Variants in MADD observed in about 807,000 individuals in gnomAD.
MADD encodes MAP kinase-activating death domain protein.
Under a neutral mutation model 176.7 loss-of-function variants are expected in MADD, and 109 were observed. The ratio of observed to expected loss-of-function variants is 0.62; its 90% CI spans 0.53 to 0.72. The LOEUF is 0.72. MADD is among the 30% of genes least tolerant of loss of function. The probability of loss-of-function intolerance (pLI) is 0.00; values close to 1 mark genes in which losing one functional copy is unlikely to be tolerated. For synonymous variants in MADD, 771 were observed against 771.3 expected (o/e 1.00, Z 0.01); for missense variants, 1,914 against 2,045.5 (o/e 0.94, Z 1.24).
At chr11:47,279,044 C>T (rs745473226) in exon 7 of MADD, 5 of 1,613,992 alleles carry the variant, frequency 3.1e-6, no homozygotes, top group Non-Finnish European at 4.2e-6. Context: ...CCTGCCAGAA[C>T]CAGAATCACT....
intron 3 of MADD, 36 bp downstream of exon 3, chr11:47,275,195 T>C: frequency 6.4e-7 from 1 of 1,553,284 alleles, no homozygotes; most frequent in East Asian, 2.2e-5. Context: ...GGGGGAAGCA[T>C]TTAGAGATTC....
chr11:47,290,911 C>T (rs1473456860), intron 19 of MADD, 95 bp downstream of exon 20: 1 of 1,029,174 alleles, frequency 9.7e-7, no homozygotes, highest in Admixed American at 2.4e-5. Flanking sequence ...TTCTCTGCCC[C>T]ATGCTTTGCT....
chr11:47,293,957 G>C lies in MADD; in HGVS notation c.3376G>C (p.Gly1126Arg), dbSNP rs997138490. The change falls in exon 20 of 33, where the codon GGT becomes CGT. Residue 1126 changes from glycine to arginine, a missense_variant. This residue lies in a region of MADD where 1,767 missense variants were observed against 1,836.0 expected (regional missense o/e 0.96). Coordinates refer to ENST00000402192, the Ensembl canonical transcript of MADD. ...AAAGTCCCAGATCAGCGCAGACAGT[G>C]GTGTGAGCCTGACGTCTAGTTCCCA... 3 of 1,614,050 alleles carry C rather than the reference G, an allele frequency of 1.9e-6. No homozygotes were observed. In the African/African-American group the frequency reaches 4.0e-5, roughly 22 times the overall value.
intron 20 of MADD, 48 bp downstream of exon 22, chr11:47,294,031 C>T: frequency 7.2e-7 from 1 of 1,384,588 alleles, no homozygotes; most frequent in Non-Finnish European, 1.0e-6. Context: ...TATGCTGTCT[C>T]AGAATACTTC....
In MADD at chr11:47,274,949, C is replaced by T. The variant is rs757187543; in HGVS notation, c.449C>T (p.Thr150Ile). Residue 150 changes from threonine (T) to isoleucine (I), a missense_variant, in exon 3 of 33, where the codon ACC becomes ATC. Thr to Ile is a moderately conservative substitution (Grantham distance 89, BLOSUM62 -1). Around this residue, in one of 2 missense-constraint regions of MADD, gnomAD observed 1,767 missense variants for 1,836.0 expected, o/e 0.96. Transcript: ENST00000402192. ...CTGCAGCCTCTCAGTGCTGACTCTA[C>T]CCCTGATGTGAACCAGTCTCCTCGG... The T allele has an allele frequency of 2.5e-6, 4 of 1,614,114 alleles. No homozygotes were observed. Among genetic ancestry groups the T allele is most frequent in the African/African-American group, 1.3e-5 (1 of 75,076 alleles).
intron 22 of MADD, among the ~76,000 whole-genome samples, chr11:47,300,229 C>T (rs1296578734): frequency 3.0e-5 from 4 of 135,102 alleles, no homozygotes; most frequent in Admixed American, 7.9e-5. Context: ...TTTTTTAAGA[C>T]GGAGTCTTGC....
chr11:47,320,947 G>A (rs1283979856), intron 27 of MADD, among the ~76,000 whole-genome samples: 1 of 151,780 alleles, frequency 6.6e-6, no homozygotes, highest in Non-Finnish European at 1.5e-5. Context: ...AATAATAATT[G>A]CTCATTGAAT....
At chr11:47,277,219 T>C (rs2050884986) in intron 5 of MADD, among the ~76,000 whole-genome samples, 1 of 152,242 alleles carries the variant, frequency 6.6e-6, no homozygotes, top group South Asian at 2.1e-4. Context: ...TTTTTTTCTA[T>C]ACATATATAC....
chr11:47,328,816 G>A (rs946679414), intron 32 of MADD, 112 bp downstream of exon 36: 17 of 1,391,614 alleles, frequency 1.2e-5, no homozygotes, highest in South Asian at 9.7e-5. Context: ...TGGGGACCTC[G>A]TTTTGTTGCC....
exon 3 of MADD, chr11:47,275,064 C>G (rs749176898): frequency 6.2e-7 from 1 of 1,614,154 alleles, no homozygotes; most frequent in Non-Finnish European, 8.5e-7. Flanking sequence ...TCTTCTCCAC[C>G]TTCCGAGAGT....
chr11:47,316,770 G>A (rs1234519063), intron 27 of MADD, among the ~76,000 whole-genome samples: 4 of 151,856 alleles, frequency 2.6e-5, no homozygotes, highest in Non-Finnish European at 5.9e-5. Flanking sequence ...TTGAGACAGA[G>A]TGTTGCTCTT....
Position 47,290,730 on chromosome 11 carries a change from G to A in MADD, c.3215G>A (p.Gly1072Glu). Reference sequence around the variant, plus strand: ...GCACAACTGAGAGTTCCACAACTGGGACCTCGGGCACCAAGTGCCACAGGA... The same window carrying A: ...GCACAACTGAGAGTTCCACAACTGGAACCTCGGGCACCAAGTGCCACAGGA... The change falls in exon 19 of 33, where the codon GGA becomes GAA. Residue 1072 changes from glycine to glutamate, a missense_variant. Transcript: ENST00000402192. 6.2e-7 allele frequency: 1 copy of A among 1,614,152 alleles called. No homozygotes were observed. The highest frequency in any genetic ancestry group is 1.7e-5 in the Admixed American group (1 of 60,018).
rs147136596 is a variant in MADD, at chr11:47,284,220, C to T, written c.1905C>T (p.Tyr635=). The T allele has an allele frequency of 1.9e-6, 3 of 1,613,930 alleles. No individual in the cohort carries two copies. The African/African-American group carries it at 4.0e-5, about 22-fold the overall frequency. The change falls in exon 11 of 33, where the codon TAC becomes TAT. Residue 635 remains tyrosine (Y), a synonymous_variant. Coordinates refer to ENST00000402192, the Ensembl canonical transcript of MADD. ...ATTATGACGATTCAAGCTCTTCTTA[C>T]TCCTCCCTTGGTGACTTTGTCAGTG... is the stretch of plus-strand genomic sequence containing the variant.
At chr11:47,326,235 T>C (rs916164237) in intron 30 of MADD, among the ~76,000 whole-genome samples, 1 of 152,196 alleles carries the variant, frequency 6.6e-6, no homozygotes, top group African/African-American at 2.4e-5. Context: ...GTAGCTGATA[T>C]TATTATCACC....
intron 15 of MADD, among the ~76,000 whole-genome samples, chr11:47,288,064 G>A (rs1178077318): frequency 6.6e-6 from 1 of 152,156 alleles, no homozygotes; most frequent in African/African-American, 2.4e-5. Context: ...TGGGATTACA[G>A]GCGTGAGCCA....
At chr11:47,295,638 AG>A in intron 21 of MADD, 59 bp downstream of exon 23, 1 of 1,610,664 alleles carries the variant, frequency 6.2e-7, no homozygotes, top group Non-Finnish European at 8.5e-7. Context: ...CCTTTGGAAA[AG>A]GGTGCTACTT....
At chr11:47,313,481 G>GTT (rs112445074) in intron 26 of MADD, among the ~76,000 whole-genome samples, 7 of 139,964 alleles carry the variant, frequency 5.0e-5, no homozygotes, top group East Asian at 2.1e-4. Flanking sequence ...CACCTGGCTA[G>GTT]TTTTTTTTTT....
chr11:47,295,226 G>A (rs1360862733), intron 20 of MADD, among the ~76,000 whole-genome samples: 1 of 151,964 alleles, frequency 6.6e-6, no homozygotes, highest in Non-Finnish European at 1.5e-5. Context: ...TGCCCAGCCT[G>A]GTCTCCAACT....
chr11:47,292,986 C>G (rs2066707932), intron 19 of MADD, among the ~76,000 whole-genome samples: 1 of 152,132 alleles, frequency 6.6e-6, no homozygotes, highest in Non-Finnish European at 1.5e-5. Context: ...AGCTGCCCCA[C>G]TCTCTGGTGG....
Sources: gnomAD v4.1 joint callset for allele counts (sites outside exome capture counted in the v4.1 genomes callset) on GRCh38, gnomAD v4.1.1 for gene constraint, gnomAD v4.1.1 regional missense constraint, MANE v1.5 for transcripts, NCBI Gene and HGNC (gene_info 2026-07-23, HGNC 2026-07-21) for gene names.